The following SEC22A variants were observed in gnomAD, a reference collection of about 807,000 sequenced individuals.
SEC22A encodes vesicle-trafficking protein SEC22a.
SEC22A carries 22 observed loss-of-function variants against 35.3 expected under a neutral mutation model. The observed-to-expected ratio is 0.62, with a 90% CI of 0.45 to 0.89. The LOEUF (loss-of-function observed/expected upper bound fraction) is 0.89, where lower values mean the gene tolerates loss of function less well. Among genes scored for constraint, SEC22A ranks in the 40% least tolerant of loss-of-function variants. SEC22A has a pLI of 0.00. For missense variants in SEC22A, 354 were observed against 362.5 expected (o/e 0.98, Z 0.19); for synonymous variants, 119 against 129.5 (o/e 0.92, Z 0.55).
chr3:123,225,093 T>C lies in SEC22A; in HGVS notation c.347-10T>C. The C allele has an allele frequency of 6.5e-7, 1 of 1,543,586 alleles. No homozygotes were observed. The highest frequency in any genetic ancestry group is 8.8e-7 in the Non-Finnish European group (1 of 1,133,838). ...TGACTGCAAGGAAATTTATTTTTTATTTTACATAGATAACTTCATTCAGAG... is the reference window on the plus strand; with the variant it reads ...TGACTGCAAGGAAATTTATTTTTTACTTTACATAGATAACTTCATTCAGAG... On this transcript the variant is annotated splice_polypyrimidine_tract_variant and intron_variant, in intron 3 of 6. Coordinates refer to ENST00000492595, the MANE Select transcript of SEC22A (RefSeq NM_012430.5).
intron 5 of SEC22A, among the ~76,000 whole-genome samples, chr3:123,248,160 T>C (rs1168395217): frequency 1.3e-5 from 2 of 152,192 alleles, no homozygotes. Context: ...AGGGCAAGGA[T>C]GTCCCCACTT....
At chr3:123,215,785 A>C (rs1297726253) in intron 2 of SEC22A, among the ~76,000 whole-genome samples, 2 of 152,152 alleles carry the variant, frequency 1.3e-5, no homozygotes, top group African/African-American at 4.8e-5. Flanking sequence ...ATGTGTTCCT[A>C]ATTCTCCCAA....
In SEC22A at chr3:123,251,765, G is replaced by A. The variant is rs556453000; in HGVS notation, c.657+5751G>A. On this transcript the variant is annotated intron_variant, in intron 5 of 6. Coordinates refer to ENST00000492595, the MANE Select transcript of SEC22A (RefSeq NM_012430.5). ...TTGACCAAAAGTAGAAACTCCCATT[G>A]TTCCAGTTATCGAGGACTTTATATC... 8.5e-5 allele frequency among the ~76,000 whole-genome samples: 13 copies of A among 152,196 alleles called. No individual in the cohort carries two copies. In the East Asian group the frequency reaches 2.5e-3, roughly 29 times the overall value.
At chr3:123,247,127 CAGA>C (rs1371022145) in intron 5 of SEC22A, among the ~76,000 whole-genome samples, 3 of 152,166 alleles carry the variant, frequency 2.0e-5, no homozygotes, top group African/African-American at 4.8e-5. Flanking sequence ...TTTATTCCAG[CAGA>C]AGGAGTTCAG....
At chr3:123,220,909 A>G (rs987807336) in intron 2 of SEC22A, among the ~76,000 whole-genome samples, 13 of 105,348 alleles carry the variant, frequency 1.2e-4, no homozygotes, top group Non-Finnish European at 2.1e-4. Flanking sequence ...TCACATGTAT[A>G]TATTCACACA....
intron 2 of SEC22A, among the ~76,000 whole-genome samples, chr3:123,211,941 C>T (rs1936944666): frequency 6.6e-6 from 1 of 152,076 alleles, no homozygotes. Flanking sequence ...GACATAGTCC[C>T]AGCTACTGTG....
At chr3:123,258,941 G>GT (rs756442243) in intron 5 of SEC22A, among the ~76,000 whole-genome samples, 3 of 152,086 alleles carry the variant, frequency 2.0e-5, no homozygotes, top group Non-Finnish European at 2.9e-5. Context: ...TATGCATGAG[G>GT]TATCTCTGTT....
intron 2 of SEC22A, among the ~76,000 whole-genome samples, chr3:123,214,365 T>C (rs578111731): frequency 4.7e-4 from 71 of 152,294 alleles, no homozygotes; most frequent in Middle Eastern, 3.4e-3. Context: ...GCTAGCACAG[T>C]TCCTTGTGCA....
At chr3:123,221,728 C>T (rs1185585509) in intron 2 of SEC22A, among the ~76,000 whole-genome samples, 1 of 150,982 alleles carries the variant, frequency 6.6e-6, no homozygotes, top group Non-Finnish European at 1.5e-5. Flanking sequence ...TTTCATGTTT[C>T]AGTGCTTATT....
chr3:123,246,121 C>CA (rs1449208252), intron 5 of SEC22A, 107 bp downstream of exon 5: 1 of 626,482 alleles, frequency 1.6e-6, no homozygotes, highest in African/African-American at 1.8e-5. Flanking sequence ...AGTGCATACT[C>CA]AAAATCTATG....
chr3:123,268,944 G>A (rs1938084651), intron 6 of SEC22A, among the ~76,000 whole-genome samples: 1 of 152,064 alleles, frequency 6.6e-6, no homozygotes, highest in Non-Finnish European at 1.5e-5. Context: ...GGATTAGTCT[G>A]TTACTCGTGA....
intron 1 of SEC22A, chr3:123,208,976 G>T (rs1488195249): frequency 1.3e-5 from 5 of 377,800 alleles, no homozygotes; most frequent in Non-Finnish European, 2.5e-5. Flanking sequence ...TGTATTTTTA[G>T]TAGAGAAGGG....
At chr3:123,259,645 C>A in intron 6 of SEC22A, 56 bp downstream of exon 6, 2 of 1,131,286 alleles carry the variant, frequency 1.8e-6, no homozygotes, top group Non-Finnish European at 2.6e-6. Context: ...CTTCGGGTAT[C>A]AGTTCTAACA....
At chr3:123,250,874 C>T (rs2108084326) in intron 5 of SEC22A, among the ~76,000 whole-genome samples, 1 of 152,216 alleles carries the variant, frequency 6.6e-6, no homozygotes, top group Non-Finnish European at 1.5e-5. Context: ...GACTAATGAA[C>T]ATGTTAGGAA....
chr3:123,226,569 G>T (rs144086150), intron 4 of SEC22A, among the ~76,000 whole-genome samples: 1 of 152,124 alleles, frequency 6.6e-6, no homozygotes, highest in East Asian at 1.9e-4. Flanking sequence ...AGAGTTGTTT[G>T]AGCTCATTGT....
chr3:123,257,513 C>T (rs540037967), intron 5 of SEC22A, among the ~76,000 whole-genome samples: 2 of 151,412 alleles, frequency 1.3e-5, no homozygotes, highest in East Asian at 3.9e-4. Context: ...CCTGGCCAAC[C>T]TGGTGAAACT....
rs777716261 is a variant in SEC22A at position 123,225,247 on chromosome 3, T to A, written c.491T>A (p.Val164Asp). 1 of 1,613,446 alleles carries A rather than the reference T, an allele frequency of 6.2e-7. No homozygotes were observed. Among genetic ancestry groups the A allele is most frequent in the Admixed American group, 1.7e-5 (1 of 60,002 alleles). ...TGCGAACTGGGGTCAGCCAATGGAG[T>A]CACATCAGCATTTTCTGTTGACTGT... Reference protein sequence around the residue: ...SMCELGSANGVTSAFSVDCKG... With the variant: ...SMCELGSANGDTSAFSVDCKG... Residue 164 changes from valine to aspartate, a missense_variant, in exon 4 of 7, where the codon GTC becomes GAC. Coordinates refer to ENST00000492595, the MANE Select transcript of SEC22A (RefSeq NM_012430.5).
At chr3:123,224,765 T>C (rs1431299942) in intron 3 of SEC22A, among the ~76,000 whole-genome samples, 1 of 152,000 alleles carries the variant, frequency 6.6e-6, no homozygotes, top group Non-Finnish European at 1.5e-5. Context: ...CACCCCAGTC[T>C]AGGTGACAGA....
chr3:123,242,995 C>T (rs2108073880), intron 4 of SEC22A, among the ~76,000 whole-genome samples: 1 of 152,054 alleles, frequency 6.6e-6, no homozygotes, highest in East Asian at 1.9e-4. Flanking sequence ...TCAGTGGTTC[C>T]CCATTGTCTA....
Sources: allele counts gnomAD v4.1 joint callset (sites outside exome capture counted in the v4.1 genomes callset), GRCh38; gene constraint gnomAD v4.1.1; transcripts MANE v1.5; gene names NCBI Gene and HGNC (gene_info 2026-07-23, HGNC 2026-07-21).